Variants in METTL16 observed in about 807,000 individuals in gnomAD.
METTL16 encodes methyltransferase 16, RNA N6-adenosine.
Under a neutral mutation model 57.9 loss-of-function variants are expected in METTL16, and 19 were observed. The ratio of observed to expected loss-of-function variants is 0.33; its 90% CI spans 0.23 to 0.48. METTL16 has a LOEUF of 0.48. METTL16 is among the 20% of genes least tolerant of loss of function. The pLI, the probability that METTL16 is intolerant of heterozygous loss-of-function variation, is 0.99. For synonymous variants in METTL16, 246 were observed against 255.6 expected (o/e 0.96, Z 0.36); for missense variants, 434 against 691.5 (o/e 0.63, Z 4.18).
chr17:2,485,977 A>T (rs182049199), intron 2 of METTL16, among the ~76,000 whole-genome samples: 77 of 152,280 alleles, frequency 5.1e-4, no homozygotes, highest in Non-Finnish European at 8.7e-4. Context: ...AAAATTCACA[A>T]AGGAAGGAAC....
At chr17:2,435,683 G>A (rs947646663) in intron 8 of METTL16, among the ~76,000 whole-genome samples, 3 of 150,960 alleles carry the variant, frequency 2.0e-5, no homozygotes, top group African/African-American at 7.3e-5. Flanking sequence ...TGGGGAGGAA[G>A]GAAGACTCTG....
intron 8 of METTL16, among the ~76,000 whole-genome samples, chr17:2,434,452 T>C (rs2066895574): frequency 6.6e-6 from 1 of 152,168 alleles, no homozygotes. Context: ...TGACTTCAGG[T>C]GATCACCACC....
At chr17:2,431,977 C>G (rs1283931572) in intron 8 of METTL16, among the ~76,000 whole-genome samples, 2 of 151,456 alleles carry the variant, frequency 1.3e-5, no homozygotes, top group African/African-American at 4.9e-5. Context: ...CTGAGTCTTG[C>G]TCTGTCGCCC....
At chr17:2,492,897 CA>C (rs56853674) in intron 2 of METTL16, among the ~76,000 whole-genome samples, 43 of 75,902 alleles carry the variant, frequency 5.7e-4, no homozygotes, top group South Asian at 2.0e-3. Context: ...GACTCCGTCT[CA>C]AAAAAAAAAA....
intron 8 of METTL16, among the ~76,000 whole-genome samples, chr17:2,434,991 C>T (rs536770513): frequency 7.2e-5 from 11 of 152,276 alleles, no homozygotes; most frequent in South Asian, 2.1e-4. Context: ...ATAATGCTTT[C>T]GGCAATTAGC....
At chr17:2,433,648 T>C (rs1356224749) in intron 8 of METTL16, among the ~76,000 whole-genome samples, 1 of 152,214 alleles carries the variant, frequency 6.6e-6, no homozygotes, top group Non-Finnish European at 1.5e-5. Context: ...TTCACTCGAT[T>C]GCTGTCAGGT....
intron 2 of METTL16, among the ~76,000 whole-genome samples, chr17:2,482,015 G>GA (rs956055040): frequency 3.3e-5 from 5 of 151,916 alleles, no homozygotes; most frequent in African/African-American, 1.2e-4. Context: ...GCCCTTAGAG[G>GA]AAAAAAAGTG....
intron 8 of METTL16, among the ~76,000 whole-genome samples, chr17:2,434,360 G>A (rs2066895155): frequency 1.3e-5 from 2 of 152,114 alleles, no homozygotes; most frequent in East Asian, 1.9e-4. Flanking sequence ...GATTACAGGT[G>A]TGCACCACCA....
Position 2,419,735 on chromosome 17 carries a change from C to T in METTL16, c.*235G>A, listed in dbSNP as rs1319346123. ...CCCTCGGGAGTTTACTGAGGGCTTT[C>T]TGTTGTTACTGATGACCACAATTCC... On this transcript the variant is annotated 3_prime_UTR_variant, in exon 10 of 10. Coordinates refer to ENST00000263092, the MANE Select transcript of METTL16 (RefSeq NM_024086.4). The T allele has an allele frequency of 1.5e-6, 1 of 684,414 alleles. No homozygotes were observed. The highest frequency in any genetic ancestry group is 2.7e-6 in the Non-Finnish European group (1 of 376,138). 42.4% of individuals were successfully genotyped at this position (684,414 alleles called of 1,614,324 possible). A position where few individuals can be genotyped will look rare whatever the true frequency, so the allele number is the denominator to read the frequency against.
rs546467797 is a variant in METTL16 at position 2,492,067 on chromosome 17, C to T, written c.128+10137G>A. Among the ~76,000 whole-genome samples, 34 of 150,962 alleles carry T rather than the reference C, an allele frequency of 2.3e-4. 1 individual carries two copies. The highest frequency in any genetic ancestry group is 4.2e-4 in the South Asian group (2 of 4,756). On this transcript the variant is annotated intron_variant, in intron 2 of 9. Coordinates refer to ENST00000263092, the MANE Select transcript of METTL16 (RefSeq NM_024086.4). The stretch of plus-strand genomic sequence containing the variant: ...TCTACTAAAAATACAAAAAATTAGC[C>T]GGGCGTGGTGGCGGGTGCCTGTAGT...
intron 1 of METTL16, among the ~76,000 whole-genome samples, chr17:2,507,737 T>C (rs575457118): frequency 8.5e-5 from 13 of 152,342 alleles, no homozygotes; most frequent in African/African-American, 2.4e-4. Flanking sequence ...CGTGGCTGTG[T>C]AGAAAGAGGT....
At chr17:2,428,606 T>TATATA (rs2066843901) in intron 8 of METTL16, among the ~76,000 whole-genome samples, 1 of 64,440 alleles carries the variant, frequency 1.6e-5, no homozygotes, top group African/African-American at 6.5e-5. Context: ...TATATATAAA[T>TATATA]TGTAATACAG....
intron 2 of METTL16, among the ~76,000 whole-genome samples, chr17:2,495,880 A>G (rs965144174): frequency 1.3e-4 from 19 of 151,348 alleles, no homozygotes; most frequent in Non-Finnish European, 2.4e-4. Context: ...AGGCCGAGGC[A>G]GGCGGGTCAC....
chr17:2,483,101 C>G (rs2067318625), intron 2 of METTL16, among the ~76,000 whole-genome samples: 1 of 150,484 alleles, frequency 6.6e-6, no homozygotes, highest in Non-Finnish European at 1.5e-5. Flanking sequence ...TCATAATACT[C>G]TCAGATTAGA....
At chr17:2,487,313 T>C (rs1453756932) in intron 2 of METTL16, among the ~76,000 whole-genome samples, 1 of 152,138 alleles carries the variant, frequency 6.6e-6, no homozygotes, top group Non-Finnish European at 1.5e-5. Flanking sequence ...AAGAGGTGTG[T>C]AGAAATAAAC....
chr17:2,506,631 C>G (rs938558115), intron 1 of METTL16, among the ~76,000 whole-genome samples: 3 of 151,966 alleles, frequency 2.0e-5, no homozygotes, highest in South Asian at 4.2e-4. Flanking sequence ...AATCGCGGCT[C>G]GCTACAACCT....
intron 8 of METTL16, among the ~76,000 whole-genome samples, chr17:2,431,133 G>T (rs1407699583): frequency 6.6e-6 from 1 of 152,020 alleles, no homozygotes; most frequent in Admixed American, 6.6e-5. Context: ...TTTTAGTAGA[G>T]ACAGAGTTTC....
At chr17:2,506,214 A>G (rs1359778933) in intron 1 of METTL16, among the ~76,000 whole-genome samples, 1 of 146,120 alleles carries the variant, frequency 6.8e-6, no homozygotes, top group African/African-American at 2.6e-5. Context: ...TCCTTCCCTA[A>G]TCTCCCCAGT....
At chr17:2,473,773 C>T (rs2067251256) in intron 3 of METTL16, 109 bp from the exon 4 acceptor site, 1 of 1,211,554 alleles carries the variant, frequency 8.3e-7, no homozygotes, top group Non-Finnish European at 1.1e-6. Flanking sequence ...GGGTCTCACT[C>T]TGTCGCCCAG....
Sources: allele counts gnomAD v4.1 joint callset (sites outside exome capture counted in the v4.1 genomes callset), GRCh38; gene constraint gnomAD v4.1.1; transcripts MANE v1.5; gene names NCBI Gene and HGNC (gene_info 2026-07-23, HGNC 2026-07-21).